The following SMARCAL1 variants were observed in gnomAD, a reference collection of about 807,000 sequenced individuals.
SMARCAL1 encodes the protein SNF2 related chromatin remodeling annealing helicase 1.
In SMARCAL1, 58 loss-of-function variants were observed where a neutral mutation model predicts 94.5. The observed-to-expected ratio is 0.61, with a 90% CI of 0.50 to 0.76. The LOEUF is 0.76. Ranked by LOEUF, SMARCAL1 falls within the 30% of genes least tolerant of loss-of-function variation. SMARCAL1 has a pLI of 0.00. For synonymous variants in SMARCAL1, 422 were observed against 455.1 expected, an observed-to-expected ratio of 0.93 and a Z score of 0.93; for missense variants, 1,051 against 1,177.9, an observed-to-expected ratio of 0.89 and a Z score of 1.58.
intron 8 of SMARCAL1, among the ~76,000 whole-genome samples, chr2:216,434,696 T>C (rs1421036142): frequency 6.6e-6 from 1 of 151,094 alleles, no homozygotes; most frequent in African/African-American, 2.4e-5. Flanking sequence ...AAGAAAGAAA[T>C]TAGCCAAGTA....
At chr2:216,455,590 G>C (rs112935287) in intron 12 of SMARCAL1, among the ~76,000 whole-genome samples, 10,110 of 152,240 alleles carry the variant, frequency 0.066, 569 homozygotes, top group African/African-American at 0.16. Flanking sequence ...AGCCAAACAG[G>C]GTCTGGAGTG....
intron 12 of SMARCAL1, chr2:216,451,577 A>T (rs971893654): frequency 1.2e-5 from 2 of 172,378 alleles, no homozygotes; most frequent in Admixed American, 1.1e-4. Flanking sequence ...GTTGGCAGGA[A>T]GTTGGCATCC....
chr2:216,426,804 G>T (rs777920453), intron 6 of SMARCAL1, among the ~76,000 whole-genome samples: 8 of 152,194 alleles, frequency 5.3e-5, no homozygotes, highest in African/African-American at 1.9e-4. Context: ...TGGGGAATGC[G>T]CACCTCCTTC....
At chr2:216,465,503 C>T (rs1334939800) in intron 13 of SMARCAL1, among the ~76,000 whole-genome samples, 1 of 152,216 alleles carries the variant, frequency 6.6e-6, no homozygotes, top group East Asian at 1.9e-4. Context: ...AAGATATGGG[C>T]ATATGGCCGT....
chr2:216,457,224 C>A (rs1290287167), intron 12 of SMARCAL1, among the ~76,000 whole-genome samples: 2 of 152,074 alleles, frequency 1.3e-5, no homozygotes, highest in Non-Finnish European at 2.9e-5. Context: ...ACTTAGACTC[C>A]CACACAATAA....
At chr2:216,454,650 C>G (rs756764213) in intron 12 of SMARCAL1, among the ~76,000 whole-genome samples, 14 of 152,134 alleles carry the variant, frequency 9.2e-5, no homozygotes, top group Middle Eastern at 3.4e-3. Flanking sequence ...CTGCTTGGCC[C>G]GTAATAAGTG....
chr2:216,462,763 A>G (rs1218651423), intron 12 of SMARCAL1, among the ~76,000 whole-genome samples: 3 of 151,730 alleles, frequency 2.0e-5, no homozygotes, highest in Admixed American at 2.0e-4. Context: ...AGATGGGAGG[A>G]TTACTTGAGC....
chr2:216,464,545 C>A, intron 12 of SMARCAL1, 52 bp from the exon 13 acceptor site: 1 of 1,316,492 alleles, frequency 7.6e-7, no homozygotes, highest in Non-Finnish European at 1.1e-6. Context: ...ATCCACTCAT[C>A]CCAGAGTTCT....
At chr2:216,450,718 G>A in intron 11 of SMARCAL1, 128 bp from the exon 12 acceptor site, 1 of 690,788 alleles carries the variant, frequency 1.4e-6, no homozygotes. Flanking sequence ...GTCCCTGTAA[G>A]TCACTTGAAG....
At position 216,432,740 on chromosome 2, in the gene SMARCAL1, C is replaced by T. The variant is rs147043913; in HGVS notation, c.1357C>T (p.Arg453Cys). Reference protein sequence around the residue: ...GVNFAIAKGGRLLLADDMGLG... With the variant: ...GVNFAIAKGGCLLLADDMGLG... Reference sequence around the variant, plus strand: ...CAGTTTTGCCATAGCCAAAGGAGGCCGCCTGCTGCTCGCTGACGACATGGG... The same window carrying T: ...CAGTTTTGCCATAGCCAAAGGAGGCTGCCTGCTGCTCGCTGACGACATGGG... Residue 453 changes from arginine (R) to cysteine (C), a missense_variant, in exon 8 of 18, where the codon CGC becomes TGC. Arg to Cys is a radical substitution (Grantham distance 180, BLOSUM62 -3). Coordinates refer to ENST00000357276, the MANE Select transcript of SMARCAL1 (RefSeq NM_014140.4). 6.8e-6 allele frequency: 11 copies of T among 1,614,004 alleles called. No individual in the cohort carries two copies. The highest frequency in any genetic ancestry group is 1.1e-5 in the South Asian group (1 of 91,088).
intron 5 of SMARCAL1, among the ~76,000 whole-genome samples, 189 bp downstream of exon 5, chr2:216,420,721 T>A (rs1449038126): frequency 6.6e-6 from 1 of 152,192 alleles, no homozygotes; most frequent in African/African-American, 2.4e-5. Flanking sequence ...GTGGCTGTTT[T>A]GTCATAAGGC....
intron 13 of SMARCAL1, among the ~76,000 whole-genome samples, chr2:216,466,190 G>A (rs1365457148): frequency 2.6e-5 from 4 of 152,162 alleles, no homozygotes; most frequent in Non-Finnish European, 4.4e-5. Flanking sequence ...TTCAGATACT[G>A]TGCCCAGAGC....
At chr2:216,472,784 AT>A (rs34468916) in intron 14 of SMARCAL1, among the ~76,000 whole-genome samples, 74,132 of 149,702 alleles carry the variant, frequency 0.5, 18,233 homozygotes, top group East Asian at 0.62. Context: ...GAAAAATAAA[AT>A]TTTTTTTTTT....
At chr2:216,448,465 A>T (rs961801996) in intron 11 of SMARCAL1, among the ~76,000 whole-genome samples, 3 of 152,150 alleles carry the variant, frequency 2.0e-5, no homozygotes, top group Non-Finnish European at 4.4e-5. Flanking sequence ...TATGTTCCCC[A>T]TCTTAGGCCA....
At chr2:216,439,324 TGGG>T (rs3836031) in intron 10 of SMARCAL1, among the ~76,000 whole-genome samples, 14,718 of 150,550 alleles carry the variant, frequency 0.098, 880 homozygotes, top group South Asian at 0.18. Context: ...CCTTCCATTA[TGGG>T]GGGGGGGGAT....
intron 7 of SMARCAL1, among the ~76,000 whole-genome samples, chr2:216,429,641 G>A (rs1423686841): frequency 6.6e-6 from 1 of 152,100 alleles, no homozygotes; most frequent in Non-Finnish European, 1.5e-5. Context: ...TGCAAGGGAA[G>A]GAACCTAAAT....
intron 13 of SMARCAL1, among the ~76,000 whole-genome samples, chr2:216,467,664 T>C (rs2106076829): frequency 6.6e-6 from 1 of 152,284 alleles, no homozygotes; most frequent in Admixed American, 6.5e-5. Context: ...AGATCCTTCT[T>C]GGAATGTCTC....
intron 12 of SMARCAL1, 23 bp downstream of exon 12, chr2:216,451,087 A>T (rs1442941785): frequency 5.0e-6 from 8 of 1,584,968 alleles, no homozygotes; most frequent in Non-Finnish European, 6.1e-6. Flanking sequence ...CTGGAGACAG[A>T]TTTGGAAGCA....
rs771609695 is a variant in SMARCAL1 at position 216,415,327 on chromosome 2, A to G, written c.623A>G (p.His208Arg). ...TCGGGGCAGAACATTTCTTACATCC[A>G]TTCTAGCTCAGAGAGTGTAACGCCC... is the stretch of plus-strand genomic sequence containing the variant. ...SPSGQNISYI[H>R]SSSESVTPRT... Residue 208 changes from histidine (H) to arginine (R), a missense_variant, in exon 3 of 18, where the codon CAT becomes CGT. His to Arg is a conservative substitution (Grantham distance 29, BLOSUM62 0). Transcript: ENST00000357276. The G allele has an allele frequency of 6.2e-7, 1 of 1,614,100 alleles. No individual in the cohort carries two copies. Among genetic ancestry groups the G allele is most frequent in the Non-Finnish European group, 8.5e-7 (1 of 1,180,050 alleles).
Sources: allele counts gnomAD v4.1 joint callset (sites outside exome capture counted in the v4.1 genomes callset), GRCh38; gene constraint gnomAD v4.1.1; transcripts MANE v1.5; gene names NCBI Gene and HGNC (gene_info 2026-07-23, HGNC 2026-07-21).